The following IDUA variants were observed in gnomAD, a reference collection of about 807,000 sequenced individuals.
IDUA encodes the protein iduronidase alpha-L-.
In IDUA, 65 loss-of-function variants were observed where a neutral mutation model predicts 68.9. The observed-to-expected ratio is 0.94, with a 90% CI of 0.77 to 1.16. The LOEUF is 1.16. IDUA is among the 50% of genes most tolerant of loss of function. The probability of loss-of-function intolerance (pLI) is 0.00; values close to 1 mark genes in which losing one functional copy is unlikely to be tolerated. For missense variants in IDUA, 1,046 were observed against 938.0 expected (o/e 1.12, Z -1.50); for synonymous variants, 529 against 433.6 (o/e 1.22, Z -2.73).
Position 1,003,325 on chromosome 4 carries a change from G to C in IDUA, c.1525-20G>C. 1 of 1,444,986 alleles carries C rather than the reference G, an allele frequency of 6.9e-7. No homozygotes were observed. 89.5% of individuals were successfully genotyped at this position (1,444,986 alleles called of 1,614,324 possible). ...CCCCAGCTCCCCTGGAGAACCCTGA[G>C]GACCGGCCACTGCGCCCAGGACCCG... On this transcript the variant is annotated intron_variant, in intron 10 of 13. Transcript: ENST00000514224.
Position 989,477 on chromosome 4 carries a change from C to A in IDUA, c.299+1528C>A, listed in dbSNP as rs1336933927. 2.6e-6 allele frequency: 4 copies of A among 1,554,222 alleles called. No individual in the cohort carries two copies. In the Admixed American group the frequency reaches 7.8e-5, roughly 30 times the overall value. ...AGGATGACGCCAGCCAGCAGCCCGG[C>A]CTCTGTGCTGACCAGCATACAGGTG... On this transcript the variant is annotated intron_variant, in intron 2 of 13. Transcript: ENST00000514224.
In IDUA at chr4:987,801, G is replaced by A. The variant is rs886180069; in HGVS notation, c.159-8G>A. On this transcript the variant is annotated splice_region_variant and splice_polypyrimidine_tract_variant and intron_variant, in intron 1 of 13. Transcript: ENST00000514224. ...CTCGGGACTGAGCCGCCCCTTTGTTGTCCCCAGCCCCCCGCTGCCACACAG... is the reference window on the plus strand; with the variant it reads ...CTCGGGACTGAGCCGCCCCTTTGTTATCCCCAGCCCCCCGCTGCCACACAG... The A allele has an allele frequency of 1.9e-5, 31 of 1,611,924 alleles. No homozygotes were observed. The African/African-American group carries it at 3.9e-4, about 20-fold the overall frequency.
intron 2 of IDUA, among the ~76,000 whole-genome samples, chr4:995,925 T>C (rs10471250): frequency 0.33 from 50,286 of 151,600 alleles, 9,066 homozygotes; most frequent in African/African-American, 0.47. Flanking sequence ...CAGGGCTGAA[T>C]GCTCCAGGGT....
chr4:989,026 C>G lies in IDUA; in HGVS notation c.299+1077C>G. 1.9e-6 allele frequency: 3 copies of G among 1,584,722 alleles called. No individual in the cohort carries two copies. In the South Asian group the frequency reaches 3.4e-5, roughly 18 times the overall value. On this transcript the variant is annotated intron_variant, in intron 2 of 13. Coordinates refer to ENST00000514224, the MANE Select transcript of IDUA (RefSeq NM_000203.5). ...TAGCAGCAGGCTGATGCCCAGGGCC[C>G]CGTAGTCTCGGCGCAGGTCCTGCAG...
chr4:991,361 T>C (rs1429895979), intron 2 of IDUA: 17 of 1,612,444 alleles, frequency 1.1e-5, no homozygotes, highest in Non-Finnish European at 1.4e-5. Context: ...GAGGTGCCCA[T>C]GAGGAAGTAG....
chr4:1,004,119 C>T lies in IDUA; in HGVS notation c.1828+7C>T, dbSNP rs1290649916. ...CTCTTTGTGTTCAGCCCAGGTGCGC[C>T]CACCACCCGCTGCCCTGGACTCGGC... On this transcript the variant is annotated splice_region_variant and intron_variant, in intron 13 of 13. Transcript: ENST00000514224. This position sits in a 1 kb window ranked among gnomAD's most constrained non-coding sequence, Gnocchi z 5.0. The T allele has an allele frequency of 6.2e-7, 1 of 1,612,730 alleles. No individual in the cohort carries two copies. The highest frequency in any genetic ancestry group is 8.5e-7 in the Non-Finnish European group (1 of 1,179,668).
rs768588786 is a variant in IDUA at position 991,651 on chromosome 4, C to T, written c.299+3702C>T. On this transcript the variant is annotated intron_variant, in intron 2 of 13. Transcript: ENST00000514224. ...ACCCCGGGGTGCTGGGCGCTGCCGTCGGACCGGCACCGGCCCTCTGCCCTG... is the reference window on the plus strand; with the variant it reads ...ACCCCGGGGTGCTGGGCGCTGCCGTTGGACCGGCACCGGCCCTCTGCCCTG... 55 of 1,549,498 alleles carry T rather than the reference C, an allele frequency of 3.5e-5. 1 individual carries two copies. The highest frequency in any genetic ancestry group is 1.6e-4 in the East Asian group (7 of 44,462).
intron 2 of IDUA, chr4:1,000,019 G>A (rs932185235): frequency 8.8e-5 from 13 of 148,126 alleles, no homozygotes; most frequent in East Asian, 2.1e-4. Context: ...CCTTGACGAC[G>A]CCTGTCCCCT....
At chr4:987,413 G>A (rs1037211576) in intron 1 of IDUA, among the ~76,000 whole-genome samples, 171 bp downstream of exon 1, 1 of 152,146 alleles carries the variant, frequency 6.6e-6, no homozygotes, top group African/African-American at 2.4e-5. Flanking sequence ...CTGAGTGGGC[G>A]CCGGGGCGTG....
In IDUA at chr4:987,798, G is replaced by T; in HGVS notation, c.159-11G>T. ...AGGCTCGGGACTGAGCCGCCCCTTT[G>T]TTGTCCCCAGCCCCCCGCTGCCACA... On this transcript the variant is annotated splice_polypyrimidine_tract_variant and intron_variant, in intron 1 of 13. Coordinates refer to ENST00000514224, the MANE Select transcript of IDUA (RefSeq NM_000203.5). 6.2e-7 allele frequency: 1 copy of T among 1,612,060 alleles called. No homozygotes were observed. The highest frequency in any genetic ancestry group is 8.5e-7 in the Non-Finnish European group (1 of 1,179,792).
intron 2 of IDUA, among the ~76,000 whole-genome samples, chr4:999,021 G>A (rs758599321): frequency 2.0e-5 from 3 of 151,974 alleles, no homozygotes; most frequent in East Asian, 1.9e-4. Context: ...TGGCTAACAT[G>A]GTGAAACTCC....
At chr4:999,041 A>G (rs2153021085) in intron 2 of IDUA, among the ~76,000 whole-genome samples, 1 of 152,120 alleles carries the variant, frequency 6.6e-6, no homozygotes, top group South Asian at 2.1e-4. Context: ...CGTCTCTACT[A>G]AAAATACAAA....
At chr4:994,307 GCT>G (rs1284005421) in intron 2 of IDUA, among the ~76,000 whole-genome samples, 1 of 150,622 alleles carries the variant, frequency 6.6e-6, no homozygotes, top group African/African-American at 2.4e-5. Flanking sequence ...GCGGAGTCTT[GCT>G]CTGTCACCCA....
Position 989,843 on chromosome 4 carries a change from T to G in IDUA, c.299+1894T>G, listed in dbSNP as rs1444246659. 1.9e-6 allele frequency: 3 copies of G among 1,578,654 alleles called. No homozygotes were observed. The African/African-American group carries it at 4.0e-5, about 21-fold the overall frequency. ...TTGGCACGCACAGAGTAGCCGTGAC[T>G]GCGGGCGAACATCTCCGCCAGCGAG... On this transcript the variant is annotated intron_variant, in intron 2 of 13. Transcript: ENST00000514224.
At chr4:994,406 G>T (rs1714604500) in intron 2 of IDUA, among the ~76,000 whole-genome samples, 1 of 151,876 alleles carries the variant, frequency 6.6e-6, no homozygotes, top group Non-Finnish European at 1.5e-5. Flanking sequence ...CTCCTGAGTA[G>T]CTGGGACTAC....
intron 2 of IDUA, among the ~76,000 whole-genome samples, chr4:994,798 G>A (rs527419170): frequency 1.4e-4 from 22 of 152,024 alleles, no homozygotes; most frequent in Non-Finnish European, 2.8e-4. Flanking sequence ...GTGGTGGTGT[G>A]TGCCTGTATC....
intron 2 of IDUA, among the ~76,000 whole-genome samples, chr4:996,562 G>C (rs547778962): frequency 6.6e-6 from 1 of 152,346 alleles, no homozygotes; most frequent in African/African-American, 2.4e-5. Context: ...AGGCAGGTGA[G>C]CGTAGTTCAG....
chr4:988,877 G>C, intron 2 of IDUA: 4 of 1,598,612 alleles, frequency 2.5e-6, no homozygotes, highest in Non-Finnish European at 3.4e-6. Context: ...TGGCGGGCTC[G>C]TGCTGTCTGC....
intron 2 of IDUA, among the ~76,000 whole-genome samples, chr4:997,988 A>T (rs1714844835): frequency 6.6e-6 from 1 of 152,204 alleles, no homozygotes; most frequent in Non-Finnish European, 1.5e-5. Flanking sequence ...CTGGGTCTTC[A>T]CTTTCCTCCA....
Sources: allele counts gnomAD v4.1 joint callset (sites outside exome capture counted in the v4.1 genomes callset), GRCh38; gene constraint gnomAD v4.1.1; non-coding constraint Gnocchi (gnomAD v3.1); transcripts MANE v1.5; gene names NCBI Gene and HGNC (gene_info 2026-07-23, HGNC 2026-07-21).